The following ZBBX variants were observed in gnomAD, a reference collection of about 807,000 sequenced individuals.
ZBBX encodes the protein zinc finger B-box domain containing.
ZBBX carries 101 observed loss-of-function variants against 108.5 expected under a neutral mutation model. The observed-to-expected ratio is 0.93, with a 90% confidence interval of 0.79 to 1.10. The LOEUF (loss-of-function observed/expected upper bound fraction) is 1.10. Ranked by LOEUF, ZBBX falls within the 50% of genes least tolerant of loss-of-function variation. ZBBX has a pLI of 0.00. For missense variants in ZBBX, 1,009 were observed against 941.4 expected (o/e 1.07, Z -0.94); for synonymous variants, 356 against 323.4 (o/e 1.10, Z -1.08).
the ZBBX span, among the ~76,000 whole-genome samples, chr3:167,199,642 A>C: frequency 3.3e-5 from 5 of 152,196 alleles, no homozygotes; most frequent in African/African-American, 1.2e-4. Context: ...GGATTCTCTC[A>C]AAAAGCTATC....
chr3:167,333,650 G>C (rs758007114), intron 10 of ZBBX, among the ~76,000 whole-genome samples, 177 bp downstream of exon 10: 1 of 152,130 alleles, frequency 6.6e-6, no homozygotes, highest in Non-Finnish European at 1.5e-5. Context: ...ATCAAAGCAG[G>C]CTTCTTGAAA....
chr3:167,187,389 G>GT, the ZBBX span, among the ~76,000 whole-genome samples: 1 of 152,136 alleles, frequency 6.6e-6, no homozygotes, highest in South Asian at 2.1e-4. Flanking sequence ...GATATTGGTA[G>GT]CCCATCTGGA....
chr3:167,310,184 T>C (rs1479367212), intron 16 of ZBBX, among the ~76,000 whole-genome samples: 4 of 152,154 alleles, frequency 2.6e-5, no homozygotes, highest in Non-Finnish European at 4.4e-5. Context: ...TCCCAATAAG[T>C]TCCTCATTTC....
intron 20 of ZBBX, among the ~76,000 whole-genome samples, chr3:167,245,841 GT>G (rs575959330): frequency 4.9e-4 from 74 of 151,968 alleles, no homozygotes; most frequent in East Asian, 2.7e-3. Flanking sequence ...TAAGTTGTAA[GT>G]TTTTTTTATA....
intron 21 of ZBBX, 47 bp downstream of exon 21, chr3:167,242,458 A>G: frequency 6.7e-7 from 1 of 1,495,060 alleles, no homozygotes; most frequent in Non-Finnish European, 8.9e-7. Flanking sequence ...GCTTGTCAAA[A>G]TTTTACTACA....
At position 167,331,614 on chromosome 3, in the gene ZBBX, A is replaced by G. The variant is rs554591288; in HGVS notation, c.687+2213T>C. On this transcript the variant is annotated intron_variant, in intron 10 of 21. Transcript: ENST00000675490. ...GGTAGAAAAAGCTGGAGGGTTGTAC[A>G]TTAGCTCTTAAACGTTTCAGCTCAA... The G allele has an allele frequency of 3.0e-5, 30 of 985,398 alleles. No individual in the cohort carries two copies. In the East Asian group the frequency reaches 2.0e-3, roughly 67 times the overall value. 61.0% of individuals were successfully genotyped at this position (985,398 alleles called of 1,614,324 possible).
At chr3:167,342,522 C>T (rs1021239641) in intron 9 of ZBBX, among the ~76,000 whole-genome samples, 3 of 151,502 alleles carry the variant, frequency 2.0e-5, no homozygotes, top group African/African-American at 7.3e-5. Flanking sequence ...TTTAAAAAAA[C>T]ACCCCTACAT....
chr3:167,381,528 A>G (rs1314599140), upstream of ZBBX, among the ~76,000 whole-genome samples: 1 of 152,190 alleles, frequency 6.6e-6, no homozygotes, highest in Non-Finnish European at 1.5e-5. Context: ...GTTGCTATTA[A>G]CGTGTTCATG....
chr3:167,328,260 T>C, intron 10 of ZBBX, 144 bp from the exon 11 acceptor site: 1 of 826,610 alleles, frequency 1.2e-6, no homozygotes. Flanking sequence ...AAACTTAGAA[T>C]ATTTTTAAGT....
the ZBBX span, among the ~76,000 whole-genome samples, chr3:167,213,093 A>G: frequency 0.013 from 2,036 of 152,326 alleles, 22 homozygotes; most frequent in South Asian, 0.026. Context: ...GGGATGAGAA[A>G]GAACCAATGC....
chr3:167,213,910 C>T, the ZBBX span, among the ~76,000 whole-genome samples: 90 of 152,124 alleles, frequency 5.9e-4, 2 homozygotes, highest in Admixed American at 5.4e-3. Flanking sequence ...AATCTTCAAC[C>T]AAGAATCTTA....
chr3:167,247,868 C>CTTT (rs932748265), intron 20 of ZBBX, among the ~76,000 whole-genome samples: 9 of 152,336 alleles, frequency 5.9e-5, no homozygotes, highest in African/African-American at 2.2e-4. Flanking sequence ...CCACTTCTCT[C>CTTT]TTTTCTGCGG....
intron 9 of ZBBX, among the ~76,000 whole-genome samples, chr3:167,339,002 C>T (rs1209802257): frequency 6.6e-6 from 1 of 152,048 alleles, no homozygotes; most frequent in Non-Finnish European, 1.5e-5. Context: ...GAAAACACTT[C>T]CTTCTCATAT....
chr3:167,357,286 A>G (rs975122497), intron 8 of ZBBX, among the ~76,000 whole-genome samples: 1 of 152,172 alleles, frequency 6.6e-6, no homozygotes, highest in Non-Finnish European at 1.5e-5. Context: ...AGTGTCCCAG[A>G]GGAAGCCAGC....
the ZBBX span, among the ~76,000 whole-genome samples, chr3:167,197,420 C>G: frequency 6.6e-6 from 1 of 152,114 alleles, no homozygotes; most frequent in Non-Finnish European, 1.5e-5. Flanking sequence ...CGCCTGTAGT[C>G]CCAGCTACTC....
At position 167,282,375 on chromosome 3, in the gene ZBBX, G is replaced by A. The variant is rs934063855; in HGVS notation, c.2117C>T (p.Ser706Phe). 6 of 1,614,006 alleles carry A rather than the reference G, an allele frequency of 3.7e-6. No homozygotes were observed. Among genetic ancestry groups the A allele is most frequent in the Non-Finnish European group, 5.1e-6 (6 of 1,180,006 alleles). The change falls in exon 20 of 22, where the codon TCT becomes TTT. Residue 706 changes from serine (S) to phenylalanine (F), a missense_variant. Transcript: ENST00000675490. ...TTCTGAAATTTCAGAAGCAGCTCTA[G>A]ATGATGATTGAGCAGCTGCACTTCT... ...RSRSAAAQSS[S>F]RAASEISEIE...
intron 2 of ZBBX, among the ~76,000 whole-genome samples, chr3:167,374,062 T>C (rs1030264349): frequency 6.6e-6 from 1 of 152,130 alleles, no homozygotes; most frequent in Non-Finnish European, 1.5e-5. Context: ...ATTTGTTCTA[T>C]CTAAAAATAA....
the ZBBX span, among the ~76,000 whole-genome samples, chr3:167,234,554 G>T: frequency 6.6e-6 from 1 of 151,732 alleles, no homozygotes; most frequent in Non-Finnish European, 1.5e-5. Flanking sequence ...TAAGAAACTG[G>T]GTGATTTAAG....
the ZBBX span, among the ~76,000 whole-genome samples, chr3:167,207,190 A>G: frequency 1.3e-5 from 2 of 152,204 alleles, no homozygotes; most frequent in Non-Finnish European, 2.9e-5. Context: ...AAGGCAGCCT[A>G]TTTGTGAATA....
Sources: allele counts gnomAD v4.1 joint callset (sites outside exome capture counted in the v4.1 genomes callset), GRCh38; gene constraint gnomAD v4.1.1; transcripts MANE v1.5; gene names NCBI Gene and HGNC (gene_info 2026-07-23, HGNC 2026-07-21).